Variants in RANBP2 observed in about 807,000 individuals in gnomAD.
RANBP2 encodes the protein RAN binding protein 2.
A neutral mutation model predicts 303.6 loss-of-function variants in RANBP2; 57 were observed. The observed-to-expected ratio is 0.19, with a 90% CI of 0.15 to 0.23. The LOEUF (loss-of-function observed/expected upper bound fraction) is 0.23. Ranked by LOEUF, RANBP2 falls within the 10% of genes least tolerant of loss-of-function variation. The probability of loss-of-function intolerance (pLI) is 1.00; values close to 1 mark genes in which losing one functional copy is unlikely to be tolerated. For missense variants in RANBP2, 3,138 were observed against 3,780.8 expected, an observed-to-expected ratio of 0.83 and a Z score of 4.46; for synonymous variants, 1,167 against 1,301.5, an observed-to-expected ratio of 0.90 and a Z score of 2.23.
chr2:108,971,023 G>A, the RANBP2 span, among the ~76,000 whole-genome samples: 2 of 152,160 alleles, frequency 1.3e-5, no homozygotes, highest in Non-Finnish European at 2.9e-5. Flanking sequence ...TGGACCTGAG[G>A]GGACAGGGGA....
the RANBP2 span, among the ~76,000 whole-genome samples, chr2:109,467,529 C>G: frequency 0.029 from 4,435 of 152,286 alleles, 97 homozygotes; most frequent in Middle Eastern, 0.071. Flanking sequence ...ACCGTGAGGG[C>G]AGCGGCAATG....
At chr2:108,813,248 C>CAAAAAAAAAAAAA in the RANBP2 span, among the ~76,000 whole-genome samples, 1 of 63,542 alleles carries the variant, frequency 1.6e-5, no homozygotes, top group Non-Finnish European at 2.5e-5. Flanking sequence ...GACTCCGTCT[C>CAAAAAAAAAAAAA]AAAAAAAAAA....
At chr2:109,441,775 TAAAG>T in the RANBP2 span, among the ~76,000 whole-genome samples, 1 of 151,834 alleles carries the variant, frequency 6.6e-6, no homozygotes, top group African/African-American at 2.4e-5. Flanking sequence ...AAATCTCTCA[TAAAG>T]AAAACACTGA....
the RANBP2 span, among the ~76,000 whole-genome samples, chr2:108,865,166 C>T: frequency 6.6e-6 from 1 of 151,954 alleles, no homozygotes; most frequent in African/African-American, 2.4e-5. Context: ...ATATTATGAT[C>T]AGCATTATAT....
chr2:108,835,409 T>G, the RANBP2 span, among the ~76,000 whole-genome samples: 2 of 152,210 alleles, frequency 1.3e-5, no homozygotes, highest in Non-Finnish European at 2.9e-5. Flanking sequence ...ATATTAATCC[T>G]CTATTTCTAA....
the RANBP2 span, among the ~76,000 whole-genome samples, chr2:109,356,068 A>G: frequency 1.3e-5 from 2 of 152,156 alleles, no homozygotes; most frequent in Non-Finnish European, 2.9e-5. Context: ...CCCAGCACTC[A>G]AACATTCCTC....
the RANBP2 span, among the ~76,000 whole-genome samples, chr2:109,312,584 A>C: frequency 2.1e-5 from 3 of 143,358 alleles, no homozygotes; most frequent in Non-Finnish European, 4.6e-5. Context: ...TTTCTCTGTG[A>C]ATTTGCCCAC....
chr2:108,954,777 G>C, the RANBP2 span, among the ~76,000 whole-genome samples: 220 of 151,956 alleles, frequency 1.4e-3, no homozygotes, highest in African/African-American at 5.3e-3. Flanking sequence ...CCAGGTTCAA[G>C]CGATTCTCCT....
chr2:109,777,305 T>A, the RANBP2 span, among the ~76,000 whole-genome samples: 1 of 148,700 alleles, frequency 6.7e-6, no homozygotes, highest in Non-Finnish European at 1.5e-5. Context: ...GATGGTCATA[T>A]GGGTTTTAAT....
the RANBP2 span, among the ~76,000 whole-genome samples, chr2:109,728,124 G>A: frequency 6.6e-6 from 1 of 152,198 alleles, no homozygotes; most frequent in Non-Finnish European, 1.5e-5. Flanking sequence ...CCAATAGCCT[G>A]TAGAGAGGCT....
chr2:108,975,218 A>G, the RANBP2 span, among the ~76,000 whole-genome samples: 1 of 152,192 alleles, frequency 6.6e-6, no homozygotes, highest in African/African-American at 2.4e-5. Flanking sequence ...CAAAGGAGAG[A>G]GAGGATCTGA....
chr2:109,333,974 A>T, the RANBP2 span, among the ~76,000 whole-genome samples: 1 of 152,330 alleles, frequency 6.6e-6, no homozygotes, highest in African/African-American at 2.4e-5. Flanking sequence ...GACAAGTGGT[A>T]ATGTGTTAAA....
At chr2:108,984,904 C>A in the RANBP2 span, among the ~76,000 whole-genome samples, 1 of 152,194 alleles carries the variant, frequency 6.6e-6, no homozygotes, top group Non-Finnish European at 1.5e-5. Flanking sequence ...ATCCTGCCTG[C>A]TTCCTCCTGT....
chr2:108,795,122 C>T, the RANBP2 span, among the ~76,000 whole-genome samples: 1 of 144,374 alleles, frequency 6.9e-6, no homozygotes, highest in Admixed American at 6.9e-5. Flanking sequence ...TTATTATCTG[C>T]CTTTCGGGTT....
At chr2:109,273,685 CGTT>C in the RANBP2 span, among the ~76,000 whole-genome samples, 1 of 152,114 alleles carries the variant, frequency 6.6e-6, no homozygotes, top group Non-Finnish European at 1.5e-5. Context: ...TGGGGACACA[CGTT>C]GTCAGGGACG....
chr2:109,564,264 G>C, the RANBP2 span: 1 of 1,066,782 alleles, frequency 9.4e-7, no homozygotes, highest in Non-Finnish European at 1.3e-6. Context: ...TCATGGTTTT[G>C]GGAGATTCTA....
Position 108,765,035 on chromosome 2 carries a change from G to A in RANBP2, c.4496G>A (p.Cys1499Tyr), listed in dbSNP as rs769209935. 2 of 1,614,012 alleles carry A rather than the reference G, an allele frequency of 1.2e-6. No individual in the cohort carries two copies. Among genetic ancestry groups the A allele is most frequent in the Non-Finnish European group, 1.7e-6 (2 of 1,179,966 alleles). Residue 1499 changes from cysteine (C) to tyrosine (Y), a missense_variant, in exon 20 of 29, where the codon TGT becomes TAT. Cys to Tyr is a radical substitution (Grantham distance 194). Coordinates refer to ENST00000283195, the MANE Select transcript of RANBP2 (RefSeq NM_006267.5). ...LVQNEGSSTK[C>Y]AACQNPRKQS... ...CAAAATGAGGGGAGCTCTACAAAATGTGCTGCTTGTCAGAATCCGAGAAAA... is the reference window on the plus strand; with the variant it reads ...CAAAATGAGGGGAGCTCTACAAAATATGCTGCTTGTCAGAATCCGAGAAAA...
At chr2:109,355,970 G>C in the RANBP2 span, among the ~76,000 whole-genome samples, 9 of 152,184 alleles carry the variant, frequency 5.9e-5, no homozygotes, top group Non-Finnish European at 1.3e-4. Context: ...CCCTGGTCCT[G>C]CATTGGGGGT....
rs942182284 is a variant in RANBP2 at position 108,783,689 on chromosome 2, C to A, written c.9463C>A (p.Pro3155Thr). The change falls in exon 29 of 29, where the codon CCT becomes ACT. Residue 3155 changes from proline to threonine, a missense_variant. Pro to Thr is a conservative substitution (Grantham distance 38). Transcript: ENST00000283195. The part of the protein sequence containing the change: ...DENFDVKHTG[P>T]GLLSMANQGQ... The stretch of plus-strand genomic sequence containing the variant: ...AAATTTTGATGTGAAACATACTGGT[C>A]CTGGTTTACTATCCATGGCCAATCA... The A allele has an allele frequency of 1.2e-6, 2 of 1,610,046 alleles. No homozygotes were observed. Among genetic ancestry groups the A allele is most frequent in the Middle Eastern group, 1.7e-4 (1 of 6,054 alleles).
Sources: allele counts gnomAD v4.1 joint callset (sites outside exome capture counted in the v4.1 genomes callset), GRCh38; gene constraint gnomAD v4.1.1; transcripts MANE v1.5; gene names NCBI Gene and HGNC (gene_info 2026-07-23, HGNC 2026-07-21).